Variants in TEAD1 observed in about 807,000 individuals in gnomAD.
TEAD1 encodes the protein transcriptional enhancer factor TEF-1.
A neutral mutation model predicts 54.9 loss-of-function variants in TEAD1; 9 were observed. That is an observed-to-expected ratio of 0.16 (90% CI 0.10 to 0.29). TEAD1 has a LOEUF of 0.29. TEAD1 is among the 10% of genes least tolerant of loss of function. The probability of loss-of-function intolerance (pLI) is 1.00; values close to 1 mark genes in which losing one functional copy is unlikely to be tolerated. For synonymous variants in TEAD1, 200 were observed against 187.8 expected, an observed-to-expected ratio of 1.07 and a Z score of -0.53; for missense variants, 387 against 535.9, an observed-to-expected ratio of 0.72 and a Z score of 2.74.
intron 6 of TEAD1, 119 bp downstream of exon 6, chr11:12,879,961 G>A (rs1320600766): frequency 2.7e-6 from 4 of 1,465,488 alleles, no homozygotes; most frequent in South Asian, 2.4e-5. Context: ...GAGGGCAAAG[G>A]CTACCTTGTC....
chr11:12,676,422 A>G (rs1253338006), intron 2 of TEAD1, among the ~76,000 whole-genome samples: 1 of 152,158 alleles, frequency 6.6e-6, no homozygotes, highest in Non-Finnish European at 1.5e-5. Context: ...CTGGTCTTCT[A>G]CGGATAGGGG....
chr11:12,861,415 G>C (rs376686089), intron 3 of TEAD1, among the ~76,000 whole-genome samples: 16 of 152,086 alleles, frequency 1.1e-4, no homozygotes, highest in East Asian at 3.9e-4. Context: ...CTACCTTTAG[G>C]GGGTGTCTGC....
chr11:12,865,199 G>T, intron 5 of TEAD1: 1 of 426,770 alleles, frequency 2.3e-6, no homozygotes, highest in Non-Finnish European at 4.3e-6. Context: ...ACAGAAACAT[G>T]ATTTTTTTTT....
Position 12,938,216 on chromosome 11 carries a change from C to T in TEAD1, c.*994C>T, listed in dbSNP as rs1409386805. The stretch of plus-strand genomic sequence containing the variant: ...CAAAATTTTAAAATTGGCATGAATA[C>T]GGAATACTGCACTGTGAGATGCAAA... On this transcript the variant is annotated 3_prime_UTR_variant, in exon 13 of 13. Transcript: ENST00000527636. The T allele has an allele frequency of 1.3e-5, 2 of 152,558 alleles. No homozygotes were observed. The highest frequency in any genetic ancestry group is 2.4e-5 in the African/African-American group (1 of 41,432). The allele number at this position is 152,558 out of a possible 1,614,324, so 9.5% of individuals were successfully genotyped here. A position where few individuals can be genotyped will look rare whatever the true frequency, so the allele number is the denominator to read the frequency against.
At chr11:12,729,384 T>A (rs1944376120) in intron 2 of TEAD1, among the ~76,000 whole-genome samples, 1 of 152,204 alleles carries the variant, frequency 6.6e-6, no homozygotes, top group Non-Finnish European at 1.5e-5. Flanking sequence ...TGTCTAAGAA[T>A]CTGCATTTCT....
intron 9 of TEAD1, among the ~76,000 whole-genome samples, chr11:12,898,726 T>C (rs1028569628): frequency 2.0e-5 from 3 of 152,206 alleles, no homozygotes; most frequent in African/African-American, 7.2e-5. Context: ...GCAGGTCCTA[T>C]GCCAAGCACC....
At chr11:12,904,902 G>A (rs561374005) in intron 10 of TEAD1, 18 of 344,978 alleles carry the variant, frequency 5.2e-5, no homozygotes, top group South Asian at 3.6e-4. Context: ...CAGGAAAGGC[G>A]TCTCCTGGGA....
chr11:12,925,046 A>G lies in TEAD1; in HGVS notation c.1008A>G (p.Lys336=), dbSNP rs1395203754. 1.2e-5 allele frequency: 19 copies of G among 1,614,084 alleles called. No homozygotes were observed. Among genetic ancestry groups the G allele is most frequent in the Non-Finnish European group, 1.5e-5 (18 of 1,180,030 alleles). ...CCTTTGGGAAGCAAGTAGTAGAAAAAGTAGAGGTAAGTTGGCCTCTGTATA... is the reference window on the plus strand; with the variant it reads ...CCTTTGGGAAGCAAGTAGTAGAAAAGGTAGAGGTAAGTTGGCCTCTGTATA... Residue 336 remains lysine, a synonymous_variant, in exon 11 of 13, where the codon AAA becomes AAG. Coordinates refer to ENST00000527636, the MANE Select transcript of TEAD1 (RefSeq NM_021961.6).
chr11:12,888,571 C>A (rs563377253), intron 9 of TEAD1, among the ~76,000 whole-genome samples: 9 of 152,150 alleles, frequency 5.9e-5, no homozygotes, highest in Non-Finnish European at 1.2e-4. Flanking sequence ...CTTAGTTTAT[C>A]TCCTCCTTAG....
intron 3 of TEAD1, among the ~76,000 whole-genome samples, chr11:12,834,831 G>C (rs1946854761): frequency 6.6e-6 from 1 of 151,454 alleles, no homozygotes; most frequent in African/African-American, 2.4e-5. Flanking sequence ...TGCCCAGGCT[G>C]GTCTCAAATT....
chr11:12,823,289 G>C (rs1407070026), intron 3 of TEAD1: 1 of 152,212 alleles, frequency 6.6e-6, no homozygotes. Context: ...GTGATCTTGA[G>C]TAAGTTACTT....
intron 2 of TEAD1, among the ~76,000 whole-genome samples, chr11:12,761,707 T>C (rs1486299553): frequency 1.3e-5 from 2 of 152,176 alleles, no homozygotes; most frequent in Non-Finnish European, 2.9e-5. Flanking sequence ...GCTTCTGTCA[T>C]ACCTAAATGG....
intron 3 of TEAD1, among the ~76,000 whole-genome samples, chr11:12,802,220 C>T (rs1946073838): frequency 6.6e-6 from 1 of 152,104 alleles, no homozygotes; most frequent in Non-Finnish European, 1.5e-5. Context: ...GCCAAGTCAG[C>T]CTGGGATGAG....
At chr11:12,675,032 C>G (rs1011065011) in intron 1 of TEAD1, among the ~76,000 whole-genome samples, 198 bp downstream of exon 1, 8 of 147,374 alleles carry the variant, frequency 5.4e-5, no homozygotes, top group Non-Finnish European at 7.6e-5. Flanking sequence ...GGCCGGGCGC[C>G]GCCGCGCGAC....
chr11:12,701,852 A>G (rs1943709260), intron 2 of TEAD1, among the ~76,000 whole-genome samples: 1 of 152,182 alleles, frequency 6.6e-6, no homozygotes, highest in Admixed American at 6.5e-5. Flanking sequence ...GGTCATTATG[A>G]TCTCCTGGAC....
chr11:12,747,542 G>A (rs923276753), intron 2 of TEAD1, among the ~76,000 whole-genome samples: 5 of 152,058 alleles, frequency 3.3e-5, no homozygotes, highest in Admixed American at 3.3e-4. Flanking sequence ...CACTATTTTG[G>A]CAAGGCTGGT....
At position 12,930,271 on chromosome 11, in the gene TEAD1, A is replaced by G. The variant is rs1948989999; in HGVS notation, c.1112A>G (p.His371Arg). ...ATCAACTTCATCCACAAGCTCAAAC[A>G]CTTACCAGAGAAATATATGATGAAC... Residue 371 changes from histidine (H) to arginine (R), a missense_variant, in exon 12 of 13, where the codon CAC (histidine) becomes CGC (arginine). Around this residue, in one of 5 missense-constraint regions of TEAD1, gnomAD observed 123 missense variants for 199.0 expected, o/e 0.62. Transcript: ENST00000527636. 2 of 1,614,138 alleles carry G rather than the reference A, an allele frequency of 1.2e-6. No individual in the cohort carries two copies. The highest frequency in any genetic ancestry group is 1.3e-5 in the African/African-American group (1 of 74,938).
intron 2 of TEAD1, among the ~76,000 whole-genome samples, chr11:12,745,929 G>T (rs1173237350): frequency 6.6e-6 from 1 of 152,208 alleles, no homozygotes; most frequent in Non-Finnish European, 1.5e-5. Flanking sequence ...CCACCCAGTG[G>T]ATGGCCTGGT....
intron 3 of TEAD1, among the ~76,000 whole-genome samples, chr11:12,827,638 G>C (rs10765993): frequency 0.36 from 54,493 of 152,106 alleles, 10,358 homozygotes; most frequent in South Asian, 0.59. Context: ...CTGTTTTGCA[G>C]ACTGTCAAAC....
Sources: gnomAD v4.1 joint callset for allele counts (sites outside exome capture counted in the v4.1 genomes callset) on GRCh38, gnomAD v4.1.1 for gene constraint, gnomAD v4.1.1 regional missense constraint, MANE v1.5 for transcripts, NCBI Gene and HGNC (gene_info 2026-07-23, HGNC 2026-07-21) for gene names.